The following HPCAL1 variants were observed in gnomAD, a reference collection of about 807,000 sequenced individuals.
The protein encoded by HPCAL1 is hippocalcin-like protein 1.
A neutral mutation model predicts 17.1 loss-of-function variants in HPCAL1; 8 were observed. The ratio of observed to expected loss-of-function variants is 0.47; its 90% CI spans 0.27 to 0.84. The LOEUF is 0.84. HPCAL1 is among the 40% of genes least tolerant of loss of function. The pLI is 0.13. For missense variants in HPCAL1, 165 were observed against 271.1 expected (o/e 0.61, Z 2.75); for synonymous variants, 112 against 111.4 (o/e 1.01, Z -0.03).
Position 10,359,316 on chromosome 2 carries a change from C to T in HPCAL1, c.-110-37519C>T, listed in dbSNP as rs1189603436. On this transcript the variant is annotated intron_variant, in intron 1 of 4. Transcript: ENST00000307845. This position sits in a 1 kb window ranked among gnomAD's most constrained non-coding sequence, Gnocchi z 4.1. ...GCAGCTGGGGGCTCTCTGGACCCTG[C>T]GGCTGGCATGGGTTAGTGGCTCCGT... Among the ~76,000 whole-genome samples, 3 of 152,154 alleles carry T rather than the reference C, an allele frequency of 2.0e-5. No individual in the cohort carries two copies. The highest frequency in any genetic ancestry group is 1.9e-4 in the East Asian group (1 of 5,186).
chr2:10,411,141 A>G (rs1310711186), intron 2 of HPCAL1, among the ~76,000 whole-genome samples: 2 of 152,150 alleles, frequency 1.3e-5, no homozygotes, highest in Non-Finnish European at 2.9e-5. Flanking sequence ...TAAAAGTTCC[A>G]GTGGGGAGGC....
At chr2:10,358,381 A>G (rs1312946786) in intron 1 of HPCAL1, among the ~76,000 whole-genome samples, 1 of 152,180 alleles carries the variant, frequency 6.6e-6, no homozygotes, top group African/African-American at 2.4e-5. Flanking sequence ...TGCTGGGAGG[A>G]GAAGGGCGGG....
At chr2:10,321,234 C>T (rs1308384340) in intron 1 of HPCAL1, among the ~76,000 whole-genome samples, 1 of 152,128 alleles carries the variant, frequency 6.6e-6, no homozygotes, top group Admixed American at 6.5e-5. Context: ...TTTTAAACAA[C>T]CAGATCTTGT....
chr2:10,370,781 G>A (rs542209858), intron 1 of HPCAL1, among the ~76,000 whole-genome samples: 1 of 152,330 alleles, frequency 6.6e-6, no homozygotes, highest in East Asian at 1.9e-4. Context: ...GGGTCTTGGG[G>A]GCTCCCAGGT....
At chr2:10,308,373 G>T (rs1662754934) in intron 1 of HPCAL1, among the ~76,000 whole-genome samples, 1 of 151,998 alleles carries the variant, frequency 6.6e-6, no homozygotes, top group African/African-American at 2.4e-5. Context: ...TCCAGTTTTG[G>T]AACATATCCA....
chr2:10,378,931 G>A (rs975529846), intron 1 of HPCAL1, among the ~76,000 whole-genome samples: 4 of 152,188 alleles, frequency 2.6e-5, no homozygotes, highest in African/African-American at 4.8e-5. Flanking sequence ...CATTTACAGC[G>A]AGGCGGACAG....
At chr2:10,378,029 C>T (rs11679891) in intron 1 of HPCAL1, among the ~76,000 whole-genome samples, 2 of 151,770 alleles carry the variant, frequency 1.3e-5, no homozygotes, top group South Asian at 2.1e-4. Context: ...TGTGACCTCA[C>T]GACAGGCTGG....
At chr2:10,401,249 A>C (rs3771143) in intron 2 of HPCAL1, among the ~76,000 whole-genome samples, 106,289 of 152,092 alleles carry the variant, frequency 0.7, 38,733 homozygotes, top group African/African-American at 0.92. Flanking sequence ...CCAGCACCAC[A>C]CCAGGCACAG....
Position 10,384,999 on chromosome 2 carries a change from A to G in HPCAL1, c.-110-11836A>G, listed in dbSNP as rs1668213819. On this transcript the variant is annotated intron_variant, in intron 1 of 4. Transcript: ENST00000307845. This position sits in a 1 kb window ranked among gnomAD's most constrained non-coding sequence, Gnocchi z 4.4. The stretch of plus-strand genomic sequence containing the variant: ...GCTGGGCATGGTGGCACACGCCTGT[A>G]ATCCCAGCTACTTGGGAGGTTGAGG... Among the ~76,000 whole-genome samples the G allele has an allele frequency of 6.6e-6, 1 of 152,188 alleles. No homozygotes were observed. The highest frequency in any genetic ancestry group is 2.4e-5 in the African/African-American group (1 of 41,530).
intron 1 of HPCAL1, among the ~76,000 whole-genome samples, chr2:10,339,782 C>A (rs575927259): frequency 1.3e-5 from 2 of 152,320 alleles, no homozygotes; most frequent in Admixed American, 1.3e-4. Context: ...TCGGAGATAG[C>A]TCGCCATGTT....
chr2:10,306,363 G>A (rs1448067805), intron 1 of HPCAL1, among the ~76,000 whole-genome samples: 2 of 152,124 alleles, frequency 1.3e-5, no homozygotes, highest in Admixed American at 1.3e-4. Flanking sequence ...TTTGGAGTTA[G>A]GATGAGCAGA....
intron 1 of HPCAL1, among the ~76,000 whole-genome samples, chr2:10,351,852 G>A (rs1240016796): frequency 6.6e-6 from 1 of 151,912 alleles, no homozygotes. Flanking sequence ...GGTGATAAGC[G>A]ATGGTTGCAC....
chr2:10,313,567 G>C (rs559970481), intron 1 of HPCAL1, among the ~76,000 whole-genome samples: 1 of 152,260 alleles, frequency 6.6e-6, no homozygotes, highest in Admixed American at 6.5e-5. Flanking sequence ...TAAAACTGTG[G>C]GACAGTGGTC....
intron 4 of HPCAL1, chr2:10,426,147 T>G (rs1248086455): frequency 6.6e-6 from 1 of 152,532 alleles, no homozygotes; most frequent in East Asian, 1.9e-4. Flanking sequence ...GGAGAGGGAA[T>G]ATGTTGTCAC....
Position 10,389,697 on chromosome 2 carries a change from G to A in HPCAL1, c.-110-7138G>A, listed in dbSNP as rs188839361. Among the ~76,000 whole-genome samples, 281 of 152,362 alleles carry A rather than the reference G, an allele frequency of 1.8e-3. 1 individual carries two copies. The highest frequency in any genetic ancestry group is 6.3e-3 in the African/African-American group (261 of 41,594). ...TCACTGAACACTGCGGTTGTGAGAC[G>A]CATCTGTTGTGTGGGGCACTGAGGT... On this transcript the variant is annotated intron_variant, in intron 1 of 4. Coordinates refer to ENST00000307845, the MANE Select transcript of HPCAL1 (RefSeq NM_002149.4).
In HPCAL1 at chr2:10,329,561, G is replaced by A. The variant is rs74335616; in HGVS notation, c.-111+26384G>A. Among the ~76,000 whole-genome samples the A allele has an allele frequency of 6.6e-5, 10 of 152,374 alleles. No individual in the cohort carries two copies. In the East Asian group the frequency reaches 1.7e-3, roughly 26 times the overall value. ...ACCCTTAGGTCCCCCAGAGGAACCAGCCCTACTGACACAGTCTCCGTGGGA... is the reference window on the plus strand; with the variant it reads ...ACCCTTAGGTCCCCCAGAGGAACCAACCCTACTGACACAGTCTCCGTGGGA... On this transcript the variant is annotated intron_variant, in intron 1 of 4. Coordinates refer to ENST00000307845, the MANE Select transcript of HPCAL1 (RefSeq NM_002149.4).
At chr2:10,382,598 A>T (rs919165940) in intron 1 of HPCAL1, among the ~76,000 whole-genome samples, 1 of 150,362 alleles carries the variant, frequency 6.7e-6, no homozygotes, top group African/African-American at 2.5e-5. Flanking sequence ...TTAATTAAAA[A>T]AAAAAAAAAA....
intron 1 of HPCAL1, among the ~76,000 whole-genome samples, chr2:10,391,934 G>A (rs1333102112): frequency 4.6e-5 from 7 of 151,972 alleles, no homozygotes; most frequent in Non-Finnish European, 8.8e-5. Flanking sequence ...ATTTTTAGTA[G>A]AGACGGGATT....
chr2:10,381,474 G>A lies in HPCAL1; in HGVS notation c.-110-15361G>A, dbSNP rs115064598. ...ACTGCGTGGAGATGTTCGTGTTCCA[G>A]TGTAGACAGGGCGTTGTCACATCAG... On this transcript the variant is annotated intron_variant, in intron 1 of 4. Transcript: ENST00000307845. 5.6e-3 allele frequency among the ~76,000 whole-genome samples: 857 copies of A among 152,330 alleles called. 13 individuals are homozygous for A. Among genetic ancestry groups the A allele is most frequent in the African/African-American group, 0.019 (804 of 41,550 alleles).
Sources: allele counts gnomAD v4.1 joint callset (sites outside exome capture counted in the v4.1 genomes callset), GRCh38; gene constraint gnomAD v4.1.1; non-coding constraint Gnocchi (gnomAD v3.1); transcripts MANE v1.5; gene names NCBI Gene and HGNC (gene_info 2026-07-23, HGNC 2026-07-21).